CACNB2: variants seen among roughly 807,000 people sequenced by gnomAD.
The protein encoded by CACNB2 is voltage-dependent L-type calcium channel subunit beta-2.
In CACNB2, 42 loss-of-function variants were observed where a neutral mutation model predicts 73.3. The ratio of observed to expected loss-of-function variants is 0.57; its 90% CI spans 0.45 to 0.74. The LOEUF (loss-of-function observed/expected upper bound fraction) is 0.74. Ranked by LOEUF, CACNB2 falls within the 30% of genes least tolerant of loss-of-function variation. The probability of loss-of-function intolerance (pLI) is 0.00; values close to 1 mark genes in which losing one functional copy is unlikely to be tolerated. For missense variants in CACNB2, 940 were observed against 853.0 expected (o/e 1.10, Z -1.27); for synonymous variants, 348 against 310.3 (o/e 1.12, Z -1.28).
intron 3 of CACNB2, among the ~76,000 whole-genome samples, chr10:18,435,275 T>C (rs755586534): frequency 2.0e-5 from 3 of 152,156 alleles, no homozygotes; most frequent in Non-Finnish European, 4.4e-5. Context: ...GGCGGAGGCA[T>C]AGTGCCGAGC....
At chr10:18,208,068 G>A (rs1418094552) in intron 2 of CACNB2, among the ~76,000 whole-genome samples, 1 of 152,164 alleles carries the variant, frequency 6.6e-6, no homozygotes, top group East Asian at 1.9e-4. Context: ...TTTCTTGTCA[G>A]AGGAACTATA....
At chr10:18,147,941 A>G (rs137914893) in intron 1 of CACNB2, among the ~76,000 whole-genome samples, 1 of 152,290 alleles carries the variant, frequency 6.6e-6, no homozygotes, top group African/African-American at 2.4e-5. Context: ...TAATTTTGTA[A>G]TAGCAGGATG....
intron 2 of CACNB2, among the ~76,000 whole-genome samples, chr10:18,334,738 C>G (rs962469952): frequency 2.0e-5 from 3 of 152,062 alleles, no homozygotes; most frequent in Non-Finnish European, 4.4e-5. Context: ...TGCCCAATGT[C>G]CCCTGAGGGG....
intron 2 of CACNB2, chr10:18,400,523 C>T: frequency 6.2e-6 from 6 of 961,234 alleles, no homozygotes; most frequent in Non-Finnish European, 7.5e-6. Flanking sequence ...ACATATGGAG[C>T]ATGCCCAGTG....
At chr10:18,156,406 TGA>T (rs2032045888) in intron 2 of CACNB2, among the ~76,000 whole-genome samples, 1 of 152,210 alleles carries the variant, frequency 6.6e-6, no homozygotes. Flanking sequence ...TTGAAGTCAG[TGA>T]TATGTTACAA....
intron 9 of CACNB2, chr10:18,520,024 C>G: frequency 3.4e-6 from 1 of 290,072 alleles, no homozygotes; most frequent in Non-Finnish European, 6.7e-6. Context: ...TCCTCATCAA[C>G]TGGAAATCTT....
intron 2 of CACNB2, among the ~76,000 whole-genome samples, chr10:18,163,586 A>G (rs1411764863): frequency 1.3e-5 from 2 of 152,220 alleles, no homozygotes; most frequent in African/African-American, 2.4e-5. Flanking sequence ...CAACACTGAC[A>G]TCAAGAAATC....
chr10:18,222,574 A>T (rs556957181), intron 2 of CACNB2, among the ~76,000 whole-genome samples: 4 of 152,306 alleles, frequency 2.6e-5, no homozygotes, highest in South Asian at 2.1e-4. Flanking sequence ...TCATTTAGAG[A>T]TGCCTGCTGA....
chr10:18,230,357 C>T (rs2036177709), intron 2 of CACNB2, among the ~76,000 whole-genome samples: 1 of 152,154 alleles, frequency 6.6e-6, no homozygotes. Context: ...TTCTTTCACA[C>T]TCAAGTTGCC....
At chr10:18,369,007 G>T (rs1420711179) in intron 2 of CACNB2, among the ~76,000 whole-genome samples, 2 of 152,010 alleles carry the variant, frequency 1.3e-5, no homozygotes, top group African/African-American at 4.8e-5. Context: ...ATTAACTTAG[G>T]TCATTCTGGT....
intron 2 of CACNB2, among the ~76,000 whole-genome samples, chr10:18,355,824 G>C (rs940514940): frequency 6.6e-6 from 1 of 151,720 alleles, no homozygotes; most frequent in African/African-American, 2.4e-5. Context: ...TTTTAGTGGA[G>C]ACAGGATTTC....
intron 3 of CACNB2, among the ~76,000 whole-genome samples, chr10:18,415,391 A>G (rs1044807462): frequency 7.2e-5 from 11 of 152,102 alleles, no homozygotes; most frequent in Admixed American, 7.2e-4. Flanking sequence ...GCTTGAGCCT[A>G]GGAGTTAGAA....
chr10:18,312,442 T>C (rs555185760), intron 2 of CACNB2, among the ~76,000 whole-genome samples: 1 of 152,362 alleles, frequency 6.6e-6, no homozygotes, highest in South Asian at 2.1e-4. Flanking sequence ...AAGGAATAAT[T>C]TATATCATCC....
At chr10:18,168,391 TC>T (rs1360832550) in intron 2 of CACNB2, among the ~76,000 whole-genome samples, 1 of 152,062 alleles carries the variant, frequency 6.6e-6, no homozygotes, top group Non-Finnish European at 1.5e-5. Flanking sequence ...TAAGTAATTT[TC>T]CCCCCAAAAT....
At chr10:18,495,516 G>A (rs1031130235) in intron 3 of CACNB2, among the ~76,000 whole-genome samples, 2 of 150,868 alleles carry the variant, frequency 1.3e-5, no homozygotes, top group Non-Finnish European at 2.9e-5. Context: ...ATCACGCCCG[G>A]CCAAAATATA....
At position 18,385,364 on chromosome 10, in the gene CACNB2, AC is replaced by A. The variant is rs754737184; in HGVS notation, c.214-16550del. Among the ~76,000 whole-genome samples the A allele has an allele frequency of 3.9e-3, 323 of 83,080 alleles. 5 individuals carry two copies. Among genetic ancestry groups the A allele is most frequent in the Middle Eastern group, 6.4e-3 (1 of 156 alleles). 54.5% of individuals were successfully genotyped at this position (83,080 alleles called of 152,430 possible). On this transcript the variant is annotated intron_variant, in intron 2 of 13. Transcript: ENST00000324631. ...TGAATATGCCATAGAGATTTGTAAT[AC>A]CCCCCCCCCTCGCCCCCCACAGGTT...
Position 18,445,580 on chromosome 10 carries a change from T to A in CACNB2, c.333+43537T>A, listed in dbSNP as rs527932586. 1.0e-4 allele frequency among the ~76,000 whole-genome samples: 15 copies of A among 147,942 alleles called. No homozygotes were observed. The East Asian group carries it at 2.1e-3, about 21-fold the overall frequency. ...TAGAGCTCTCTAAGCAAGATGTGCA[T>A]GGGGAAATAAATATGAACGAGAGAG... On this transcript the variant is annotated intron_variant, in intron 3 of 13. Transcript: ENST00000324631.
intron 2 of CACNB2, among the ~76,000 whole-genome samples, chr10:18,191,649 C>G (rs1273400186): frequency 6.6e-6 from 1 of 152,180 alleles, no homozygotes; most frequent in African/African-American, 2.4e-5. Flanking sequence ...CCTTTTTGTC[C>G]TCATAGCTTA....
intron 2 of CACNB2, among the ~76,000 whole-genome samples, chr10:18,242,920 G>T (rs1370042996): frequency 6.7e-6 from 1 of 150,240 alleles, no homozygotes; most frequent in Non-Finnish European, 1.5e-5. Flanking sequence ...TGAGTCAGGA[G>T]AATGGCATGA....
Sources: gnomAD v4.1 joint callset for allele counts (sites outside exome capture counted in the v4.1 genomes callset) on GRCh38, gnomAD v4.1.1 for gene constraint, MANE v1.5 for transcripts, NCBI Gene and HGNC (gene_info 2026-07-23, HGNC 2026-07-21) for gene names.